Variants in TENM1 observed in about 807,000 individuals in gnomAD.
TENM1 encodes teneurin transmembrane protein 1.
In TENM1, 35 loss-of-function variants were observed where a neutral mutation model predicts 174.8. That is an observed-to-expected ratio of 0.20 (90% CI 0.15 to 0.27). The LOEUF (loss-of-function observed/expected upper bound fraction) is 0.27, where lower values mean the gene tolerates loss of function less well. TENM1 is among the 10% of genes least tolerant of loss of function. TENM1 has a pLI of 1.00. For missense variants in TENM1, 1,633 were observed against 2,130.1 expected (o/e 0.77, Z 4.59); for synonymous variants, 781 against 798.7 (o/e 0.98, Z 0.37).
chrX:124,974,902 A>ATAT, the TENM1 span, among the ~76,000 whole-genome samples: 4 of 91,962 alleles, frequency 4.3e-5, no homozygotes, highest in Non-Finnish European at 8.5e-5. Context: ...ATATATATAT[A>ATAT]AAATAATTTT....
chrX:124,910,561 G>GACA (rs2057820482), intron 1 of TENM1, among the ~76,000 whole-genome samples: 1 of 111,880 alleles, frequency 8.9e-6, no homozygotes. Flanking sequence ...ATAGTGATTT[G>GACA]ATAGTATATT....
At chrX:124,523,186 C>T (rs963517658) in intron 17 of TENM1, among the ~76,000 whole-genome samples, 178 bp downstream of exon 20, 1 of 111,835 alleles carries the variant, frequency 8.9e-6, no homozygotes, top group Non-Finnish European at 1.9e-5. Context: ...ATTCTAATGC[C>T]CTGACCAATT....
At chrX:124,837,832 T>G (rs907089662) in intron 3 of TENM1, among the ~76,000 whole-genome samples, 1 of 112,402 alleles carries the variant, frequency 8.9e-6, no homozygotes, top group Non-Finnish European at 1.9e-5. Flanking sequence ...TTTGCAATAT[T>G]GCAGAGATAG....
intron 27 of TENM1, among the ~76,000 whole-genome samples, chrX:124,401,508 GA>G (rs1396374220): frequency 8.9e-6 from 1 of 112,229 alleles, no homozygotes; most frequent in Non-Finnish European, 1.9e-5. Context: ...CCAAGGTATT[GA>G]GGAACTTGAG....
intron 2 of TENM1, among the ~76,000 whole-genome samples, chrX:124,894,899 T>A (rs1375726016): frequency 9.0e-6 from 1 of 111,485 alleles, no homozygotes; most frequent in Non-Finnish European, 1.9e-5. Context: ...TTTCCGTACG[T>A]TACTTCCTAT....
the TENM1 span, among the ~76,000 whole-genome samples, chrX:125,175,641 A>G: frequency 1.8e-5 from 2 of 111,308 alleles, no homozygotes; most frequent in Non-Finnish European, 3.8e-5. Flanking sequence ...CTTACACTAG[A>G]GTTCAGTAAC....
the TENM1 span, among the ~76,000 whole-genome samples, chrX:124,981,956 T>TAAA: frequency 0.013 from 339 of 26,200 alleles, 13 homozygotes; most frequent in African/African-American, 0.04. Context: ...TAGAGTATAA[T>TAAA]AAAAAAAAAA....
At chrX:125,170,735 A>C in the TENM1 span, among the ~76,000 whole-genome samples, 1 of 111,264 alleles carries the variant, frequency 9.0e-6, no homozygotes, top group East Asian at 2.8e-4. Flanking sequence ...TGGACTTCGA[A>C]GGTCAGTGAT....
the TENM1 span, among the ~76,000 whole-genome samples, chrX:125,006,760 A>T: frequency 9.0e-6 from 1 of 111,670 alleles, no homozygotes; most frequent in African/African-American, 3.3e-5. Flanking sequence ...ATTGTAGCAG[A>T]CCTGCAGAAG....
chrX:124,639,713 C>T (rs2050964423), intron 11 of TENM1, among the ~76,000 whole-genome samples: 1 of 110,783 alleles, frequency 9.0e-6, no homozygotes, highest in African/African-American at 3.3e-5. Flanking sequence ...ACAATGCTTA[C>T]AATAGTGACT....
intron 3 of TENM1, among the ~76,000 whole-genome samples, chrX:124,842,631 T>C (rs1203406427): frequency 9.0e-6 from 1 of 110,908 alleles, no homozygotes; most frequent in East Asian, 2.9e-4. Context: ...ACCTTTTTAC[T>C]GCGTATTCAC....
intron 11 of TENM1, among the ~76,000 whole-genome samples, chrX:124,602,223 T>A (rs988954851): frequency 3.6e-5 from 4 of 111,015 alleles, no homozygotes; most frequent in African/African-American, 1.3e-4. Flanking sequence ...AAAACTAAAG[T>A]ATTATCTCAT....
chrX:125,001,261 A>C, the TENM1 span, among the ~76,000 whole-genome samples: 1 of 111,350 alleles, frequency 9.0e-6, no homozygotes, highest in Admixed American at 9.6e-5. Context: ...ATGATTTATT[A>C]GCTATTAACT....
chrX:124,803,084 A>T (rs1249846108), intron 3 of TENM1, among the ~76,000 whole-genome samples: 2 of 111,935 alleles, frequency 1.8e-5, no homozygotes, highest in Non-Finnish European at 3.8e-5. Context: ...CTACTTTCTC[A>T]CCTCTCATTC....
intron 11 of TENM1, among the ~76,000 whole-genome samples, chrX:124,594,434 C>CA (rs200414913): frequency 0.039 from 4,309 of 111,524 alleles, 87 homozygotes; most frequent in African/African-American, 0.073. Context: ...GTGGCTGAAA[C>CA]AGCAGAAATT....
chrX:124,900,331 A>G (rs934166475), intron 1 of TENM1, among the ~76,000 whole-genome samples: 2 of 111,905 alleles, frequency 1.8e-5, no homozygotes, highest in African/African-American at 6.5e-5. Context: ...AAAATTCTAG[A>G]AAATTCAGAC....
At chrX:125,130,590 T>C in the TENM1 span, among the ~76,000 whole-genome samples, 2,509 of 111,503 alleles carry the variant, frequency 0.023, 72 homozygotes, top group African/African-American at 0.076. Context: ...TATAATATGA[T>C]TTACTTTGAT....
the TENM1 span, among the ~76,000 whole-genome samples, chrX:124,982,865 TA>T: frequency 3.6e-5 from 4 of 112,263 alleles, no homozygotes; most frequent in South Asian, 1.5e-3. Context: ...TATCAGTCCC[TA>T]AACACTTCTA....
intron 23 of TENM1, among the ~76,000 whole-genome samples, chrX:124,452,966 T>A (rs182571139): frequency 9.1e-5 from 10 of 110,264 alleles, no homozygotes; most frequent in Non-Finnish European, 1.5e-4. Context: ...CATATGTAAC[T>A]AACCTGCACA....
Sources: gnomAD v4.1 joint callset for allele counts (sites outside exome capture counted in the v4.1 genomes callset) on GRCh38, gnomAD v4.1.1 for gene constraint, MANE v1.5 for transcripts, NCBI Gene and HGNC (gene_info 2026-07-23, HGNC 2026-07-21) for gene names.